The following OR1B1 variants were observed in gnomAD, a reference collection of about 807,000 sequenced individuals.
OR1B1 encodes the protein olfactory receptor family 1 subfamily B member 1.
For synonymous variants in OR1B1, 168 were observed against 156.2 expected (o/e 1.08, Z -0.57); for missense variants, 414 against 402.1 (o/e 1.03, Z -0.25).
chr9:122,629,636 C>T, upstream of OR1B1: 1 of 742,940 alleles, frequency 1.3e-6, no homozygotes, highest in Non-Finnish European at 2.2e-6. Flanking sequence ...TATTACGTTA[C>T]TAAAGATCGT....
the OR1B1 span, among the ~76,000 whole-genome samples, chr9:122,652,415 A>C: frequency 3.3e-5 from 5 of 152,330 alleles, no homozygotes; most frequent in South Asian, 6.2e-4. Context: ...CAAAGTCAAA[A>C]ACCAGGAAGA....
the OR1B1 span, among the ~76,000 whole-genome samples, chr9:122,656,446 A>G: frequency 1.3e-5 from 2 of 152,070 alleles, no homozygotes; most frequent in African/African-American, 4.8e-5. Context: ...GAATAGGTTA[A>G]TGCTGTTATT....
the OR1B1 span, among the ~76,000 whole-genome samples, chr9:122,654,099 TA>T: frequency 6.6e-6 from 1 of 152,182 alleles, no homozygotes; most frequent in Non-Finnish European, 1.5e-5. Flanking sequence ...AAAAGGGCTC[TA>T]ATGGGGATTG....
chr9:122,632,998 C>T (rs1181895496), upstream of OR1B1, among the ~76,000 whole-genome samples: 3 of 152,112 alleles, frequency 2.0e-5, no homozygotes, highest in Non-Finnish European at 4.4e-5. Flanking sequence ...AGAGCTTCTG[C>T]AGGGAAACTC....
upstream of OR1B1, among the ~76,000 whole-genome samples, chr9:122,632,538 G>A (rs534823885): frequency 6.6e-6 from 1 of 152,136 alleles, no homozygotes; most frequent in East Asian, 1.9e-4. Flanking sequence ...AGTATACACA[G>A]CACCCAATTT....
the OR1B1 span, among the ~76,000 whole-genome samples, chr9:122,642,233 C>A: frequency 0.032 from 4,831 of 152,026 alleles, 253 homozygotes; most frequent in African/African-American, 0.11. Context: ...AGATGGTGTT[C>A]AACAGGAATA....
exon 1 of OR1B1, chr9:122,628,752 T>G (rs752461470): frequency 6.2e-7 from 1 of 1,614,084 alleles, no homozygotes. Flanking sequence ...TAGACACAAA[T>G]GATGGTGCCG....
the OR1B1 span, among the ~76,000 whole-genome samples, chr9:122,635,981 T>C: frequency 1.3e-5 from 2 of 152,346 alleles, no homozygotes. Context: ...ACTCAAATTC[T>C]ATATCCCTTT....
chr9:122,633,519 C>T (rs1444869830), upstream of OR1B1, among the ~76,000 whole-genome samples: 2 of 152,174 alleles, frequency 1.3e-5, no homozygotes, highest in East Asian at 3.9e-4. Context: ...AGGCAGCCAA[C>T]AGACTGGGAG....
At chr9:122,637,464 AG>A in the OR1B1 span, among the ~76,000 whole-genome samples, 5 of 152,188 alleles carry the variant, frequency 3.3e-5, no homozygotes, top group African/African-American at 1.2e-4. Flanking sequence ...TACTCTAGCA[AG>A]AAATTCTCTT....
At chr9:122,637,945 G>T in the OR1B1 span, among the ~76,000 whole-genome samples, 1 of 152,156 alleles carries the variant, frequency 6.6e-6, no homozygotes, top group Non-Finnish European at 1.5e-5. Context: ...TAAATATAGT[G>T]CTATAACTCT....
chr9:122,628,563 G>T, downstream of OR1B1: 1 of 1,512,660 alleles, frequency 6.6e-7, no homozygotes, highest in Non-Finnish European at 9.1e-7. Context: ...ATTCAATATG[G>T]CCCACAGCAG....
At chr9:122,648,403 G>A in the OR1B1 span, among the ~76,000 whole-genome samples, 15 of 152,270 alleles carry the variant, frequency 9.9e-5, no homozygotes, top group Middle Eastern at 3.4e-3. Flanking sequence ...TTGATGGAAT[G>A]TATCTCAAAA....
At chr9:122,641,541 T>A in the OR1B1 span, among the ~76,000 whole-genome samples, 1 of 152,054 alleles carries the variant, frequency 6.6e-6, no homozygotes, top group Non-Finnish European at 1.5e-5. Flanking sequence ...GAATGCACAC[T>A]GAATGTGAGA....
the OR1B1 span, among the ~76,000 whole-genome samples, chr9:122,651,204 A>G: frequency 6.6e-6 from 1 of 152,190 alleles, no homozygotes; most frequent in African/African-American, 2.4e-5. Context: ...TTGATACATA[A>G]TATTTGTACA....
the OR1B1 span, among the ~76,000 whole-genome samples, chr9:122,639,874 C>T: frequency 6.6e-6 from 1 of 151,900 alleles, no homozygotes. Context: ...TTCACCCACA[C>T]ACAATGATCT....
At chr9:122,629,380 G>A (rs1381928275) in exon 1 of OR1B1, 3 of 1,614,104 alleles carry the variant, frequency 1.9e-6, no homozygotes, top group East Asian at 2.2e-5. Context: ...TGGAGTCCCA[G>A]GAGATGAGCA....
chr9:122,629,540 GAC>G (rs1830185182), exon 1 of OR1B1: 2 of 1,569,026 alleles, frequency 1.3e-6, no homozygotes, highest in Non-Finnish European at 8.7e-7. Context: ...CATCATGAGT[GAC>G]AGTCAGCCTG....
At chr9:122,637,666 T>A in the OR1B1 span, among the ~76,000 whole-genome samples, 1 of 152,218 alleles carries the variant, frequency 6.6e-6, no homozygotes, top group Non-Finnish European at 1.5e-5. Flanking sequence ...AGTAATATTT[T>A]ACACTGCATT....
Sources: allele counts gnomAD v4.1 joint callset (sites outside exome capture counted in the v4.1 genomes callset), GRCh38; gene constraint gnomAD v4.1.1; transcripts MANE v1.5; gene names NCBI Gene and HGNC (gene_info 2026-07-23, HGNC 2026-07-21).